Variants in MAP3K13 observed in about 807,000 individuals in gnomAD.
The protein encoded by MAP3K13 is mitogen-activated protein kinase kinase kinase 13, also known as leucine zipper-bearing kinase.
In MAP3K13, 52 loss-of-function variants were observed where a neutral mutation model predicts 104.0. The observed-to-expected ratio is 0.50, with a 90% CI of 0.40 to 0.63. The LOEUF (loss-of-function observed/expected upper bound fraction) is 0.63. Among genes scored for constraint, MAP3K13 ranks in the 20% least tolerant of loss-of-function variants. MAP3K13 has a pLI of 0.00. For synonymous variants in MAP3K13, 394 were observed against 442.2 expected (o/e 0.89, Z 1.37); for missense variants, 914 against 1,218.5 (o/e 0.75, Z 3.72).
At chr3:185,344,301 A>T (rs1722833614) in intron 2 of MAP3K13, among the ~76,000 whole-genome samples, 1 of 152,154 alleles carries the variant, frequency 6.6e-6, no homozygotes, top group African/African-American at 2.4e-5. Flanking sequence ...GTCAGAAGGA[A>T]ATTTTGAAAA....
At chr3:185,356,593 T>C (rs536688983) in intron 2 of MAP3K13, among the ~76,000 whole-genome samples, 3 of 152,204 alleles carry the variant, frequency 2.0e-5, no homozygotes, top group African/African-American at 7.2e-5. Flanking sequence ...TTACAGCTAG[T>C]ATCCTGATGA....
chr3:185,478,850 C>T (rs1382142849), intron 12 of MAP3K13, among the ~76,000 whole-genome samples: 8 of 147,074 alleles, frequency 5.4e-5, no homozygotes, highest in East Asian at 4.0e-4. Flanking sequence ...CCAGCCTGGG[C>T]GACAGAGTGA....
At chr3:185,300,873 G>C (rs1015038496) in intron 2 of MAP3K13, among the ~76,000 whole-genome samples, 6 of 152,178 alleles carry the variant, frequency 3.9e-5, no homozygotes, top group Admixed American at 3.9e-4. Context: ...GGACATTTAG[G>C]TTGTTGGCTA....
intron 2 of MAP3K13, among the ~76,000 whole-genome samples, chr3:185,311,434 T>TC (rs1442629483): frequency 6.6e-6 from 1 of 152,022 alleles, no homozygotes; most frequent in Non-Finnish European, 1.5e-5. Context: ...TTCAATTACC[T>TC]CCCCCTGGGT....
At chr3:185,420,457 G>A (rs551276227) in intron 1 of MAP3K13, among the ~76,000 whole-genome samples, 1 of 152,292 alleles carries the variant, frequency 6.6e-6, no homozygotes, top group East Asian at 1.9e-4. Context: ...GTTTTAAAAT[G>A]GGATTGATGC....
intron 4 of MAP3K13, among the ~76,000 whole-genome samples, chr3:185,447,367 T>A (rs994355345): frequency 6.6e-6 from 1 of 151,442 alleles, no homozygotes; most frequent in African/African-American, 2.4e-5. Flanking sequence ...GGCAGGTGCC[T>A]GTAATTGCAG....
intron 2 of MAP3K13, among the ~76,000 whole-genome samples, chr3:185,356,740 C>T (rs1036644404): frequency 6.6e-6 from 1 of 152,150 alleles, no homozygotes; most frequent in Admixed American, 6.5e-5. Context: ...GTTGGCCATC[C>T]TTGTGCCACG....
intron 2 of MAP3K13, among the ~76,000 whole-genome samples, chr3:185,337,968 G>T (rs1298270098): frequency 6.6e-6 from 1 of 152,114 alleles, no homozygotes; most frequent in African/African-American, 2.4e-5. Flanking sequence ...CTGAAAAATT[G>T]TAAAGGGCTG....
At chr3:185,425,395 T>C (rs926115255) in intron 1 of MAP3K13, among the ~76,000 whole-genome samples, 1 of 152,208 alleles carries the variant, frequency 6.6e-6, no homozygotes, top group Non-Finnish European at 1.5e-5. Flanking sequence ...CTCCCCTTTT[T>C]CTTTACCCAC....
chr3:185,435,256 C>T (rs1307139179), intron 2 of MAP3K13, among the ~76,000 whole-genome samples: 2 of 151,952 alleles, frequency 1.3e-5, no homozygotes, highest in East Asian at 3.9e-4. Flanking sequence ...ATGGTCCACC[C>T]TGCCTCAGCC....
rs141980116 is a variant in MAP3K13, at chr3:185,446,679, C to T, written c.852-1110C>T. ...AAGCTTGGATTTATTTCTGCTTTTC[C>T]TTATCAGCACTAGTGAAATCCCAGC... On this transcript the variant is annotated intron_variant, in intron 4 of 13. Coordinates refer to ENST00000265026, the MANE Select transcript of MAP3K13 (RefSeq NM_004721.5). 2.0e-4 allele frequency among the ~76,000 whole-genome samples: 31 copies of T among 152,292 alleles called. No individual in the cohort carries two copies. In the East Asian group the frequency reaches 5.4e-3, roughly 27 times the overall value.
chr3:185,424,991 G>A lies in MAP3K13; in HGVS notation c.-85-3506G>A, dbSNP rs530678882. ...CTACAGGCGTATGCCACCATGCTTA[G>A]CTAATTTTTGTATTTTCTGTAATTT... On this transcript the variant is annotated intron_variant, in intron 1 of 13. Coordinates refer to ENST00000265026, the MANE Select transcript of MAP3K13 (RefSeq NM_004721.5). Among the ~76,000 whole-genome samples the A allele has an allele frequency of 1.7e-4, 26 of 152,252 alleles. No homozygotes were observed. In the South Asian group the frequency reaches 5.2e-3, roughly 30 times the overall value.
chr3:185,473,745 C>A lies in MAP3K13; in HGVS notation c.2414C>A (p.Thr805Lys), dbSNP rs1717948484. The A allele has an allele frequency of 6.2e-7, 1 of 1,613,146 alleles. No homozygotes were observed. Among genetic ancestry groups the A allele is most frequent in the Admixed American group, 1.7e-5 (1 of 59,906 alleles). Residue 805 changes from threonine to lysine, a missense_variant, in exon 11 of 14, where the codon ACA becomes AAA. Physicochemically the swap from Thr to Lys is moderately conservative, Grantham distance 78 (BLOSUM62 -1). Transcript: ENST00000265026. This position sits in a 1 kb window ranked among gnomAD's most constrained non-coding sequence, Gnocchi z 4.9. ...LGTPPALPRK[T>K]RPLQKSGDDS... ...ACCCCTCCAGCGCTACCTCGAAAAA[C>A]AAGGCCTCTGCAGAAGGTAAAGTGT... is the stretch of plus-strand genomic sequence containing the variant.
At chr3:185,336,592 G>A (rs1292328342) in intron 2 of MAP3K13, among the ~76,000 whole-genome samples, 1 of 123,540 alleles carries the variant, frequency 8.1e-6, no homozygotes, top group African/African-American at 3.1e-5. Context: ...TTTCTGGATT[G>A]TATTTTTAAA....
chr3:185,453,782 TTA>T (rs796708198), intron 7 of MAP3K13, among the ~76,000 whole-genome samples: 1 of 134,444 alleles, frequency 7.4e-6, no homozygotes, highest in Non-Finnish European at 1.6e-5. Flanking sequence ...AAAAAAAAAA[TTA>T]TATATATATA....
chr3:185,376,975 G>A (rs1242646312), intron 1 of MAP3K13, among the ~76,000 whole-genome samples: 1 of 152,146 alleles, frequency 6.6e-6, no homozygotes, highest in African/African-American at 2.4e-5. Context: ...GCAAAGAGAG[G>A]CTGGGATGAA....
intron 1 of MAP3K13, among the ~76,000 whole-genome samples, chr3:185,426,705 C>T (rs1483159003): frequency 6.6e-6 from 1 of 152,124 alleles, no homozygotes; most frequent in African/African-American, 2.4e-5. Flanking sequence ...TTTCAAGCTT[C>T]CATGCCCTCC....
At position 185,487,160 on chromosome 3, in the gene MAP3K13, A is replaced by C. The variant is rs1239663279; in HGVS notation, c.*4704A>C. 2.4e-5 allele frequency: 3 copies of C among 123,188 alleles called. No homozygotes were observed. The highest frequency in any genetic ancestry group is 4.2e-4 in the East Asian group (2 of 4,746). 7.6% of individuals were successfully genotyped at this position (123,188 alleles called of 1,614,324 possible). Reference sequence around the variant, plus strand: ...TTTGGGATTTACCTGGCACCAACCCAGACTTTTTTTGGGGGGGGGTGAGGG... The same window carrying C: ...TTTGGGATTTACCTGGCACCAACCCCGACTTTTTTTGGGGGGGGGTGAGGG... On this transcript the variant is annotated 3_prime_UTR_variant, in exon 14 of 14. Coordinates refer to ENST00000265026, the MANE Select transcript of MAP3K13 (RefSeq NM_004721.5).
chr3:185,433,341 A>T (rs1714852943), intron 2 of MAP3K13, among the ~76,000 whole-genome samples: 1 of 152,244 alleles, frequency 6.6e-6, no homozygotes, highest in African/African-American at 2.4e-5. Flanking sequence ...GCTGGGGAAG[A>T]GTAGCAGTGG....
Sources: gnomAD v4.1 joint callset for allele counts (sites outside exome capture counted in the v4.1 genomes callset) on GRCh38, gnomAD v4.1.1 for gene constraint, Gnocchi (gnomAD v3.1) non-coding constraint, MANE v1.5 for transcripts, NCBI Gene and HGNC (gene_info 2026-07-23, HGNC 2026-07-21) for gene names.